RAD1: variants seen among roughly 807,000 people sequenced by gnomAD.
RAD1 encodes the protein cell cycle checkpoint protein RAD1.
RAD1 carries 21 observed loss-of-function variants against 30.0 expected under a neutral mutation model. The ratio of observed to expected loss-of-function variants is 0.70; its 90% CI spans 0.50 to 1.01. The LOEUF (loss-of-function observed/expected upper bound fraction) is 1.01, where lower values mean the gene tolerates loss of function less well. Ranked by LOEUF, RAD1 falls within the 50% of genes least tolerant of loss-of-function variation. The probability of loss-of-function intolerance (pLI) is 0.00; values close to 1 mark genes in which losing one functional copy is unlikely to be tolerated. For synonymous variants in RAD1, 109 were observed against 113.6 expected (o/e 0.96, Z 0.26); for missense variants, 329 against 329.0 (o/e 1.00, Z 0.00).
At chr5:34,909,200 A>G (rs1763753908) in intron 5 of RAD1, 58 bp downstream of exon 5, 2 of 1,296,282 alleles carry the variant, frequency 1.5e-6, no homozygotes, top group Non-Finnish European at 2.2e-6. Flanking sequence ...ATTTAACAGA[A>G]ATCTGGTATT....
rs771165391 is a variant in RAD1 at position 34,913,545 on chromosome 5, C to G, written c.232G>C (p.Glu78Gln). 1.9e-6 allele frequency: 3 copies of G among 1,600,472 alleles called. No homozygotes were observed. The highest frequency in any genetic ancestry group is 2.2e-5 in the South Asian group (2 of 89,646). Reference protein sequence around the residue: ...GIFQEFKVQEESVTFRINLTV... With the variant: ...GIFQEFKVQEQSVTFRINLTV... Reference sequence around the variant, plus strand: ...AAATTAATTCGAAAAGTAACAGACTCTTCCTGAACTTTAAACTCCTGAAAT... The same window carrying G: ...AAATTAATTCGAAAAGTAACAGACTGTTCCTGAACTTTAAACTCCTGAAAT... Residue 78 changes from glutamate to glutamine, a missense_variant, in exon 3 of 6, where the codon GAG (glutamate) becomes CAG (glutamine). Physicochemically the swap from Glu to Gln is conservative, Grantham distance 29. Coordinates refer to ENST00000382038, the MANE Select transcript of RAD1 (RefSeq NM_002853.4).
chr5:34,909,448 A>G lies in RAD1; in HGVS notation c.567-92T>C, dbSNP rs1238992483. The G allele has an allele frequency of 4.8e-6, 4 of 831,038 alleles. No homozygotes were observed. In the African/African-American group the frequency reaches 5.1e-5, roughly 11 times the overall value. The allele number at this position is 831,038 out of a possible 1,614,324, so 51.5% of individuals were successfully genotyped here. A position where few individuals can be genotyped will look rare whatever the true frequency, so the allele number is the denominator to read the frequency against. ...GAAAACACTTCCTTAAGAAATTCAT[A>G]CTAGTGGGTGAAACAGACATGTACA... On this transcript the variant is annotated intron_variant, in intron 4 of 5. Coordinates refer to ENST00000382038, the MANE Select transcript of RAD1 (RefSeq NM_002853.4).
intron 2 of RAD1, 25 bp downstream of exon 2, chr5:34,914,666 CACAG>C (rs747370279): frequency 6.2e-7 from 1 of 1,608,264 alleles, no homozygotes; most frequent in African/African-American, 1.3e-5. Flanking sequence ...GTATCTATGG[CACAG>C]GCTTAAAGGC....
In RAD1 at chr5:34,914,803, G is replaced by C. The variant is rs1561170211; in HGVS notation, c.90C>G (p.Ile30Met). The C allele has an allele frequency of 1.9e-6, 3 of 1,614,226 alleles. No individual in the cohort carries two copies. The highest frequency in any genetic ancestry group is 3.3e-4 in the Middle Eastern group (2 of 6,062). ...GTTCTCGGAAATGAATAGCTTTCAA[G>C]ATAGTGGAGAGATTCCTAACGTTGT... Reference protein sequence around the residue: ...SLDNVRNLSTILKAIHFREHA... With the variant: ...SLDNVRNLSTMLKAIHFREHA... Residue 30 changes from isoleucine to methionine, a missense_variant, in exon 2 of 6, where the codon ATC (isoleucine) becomes ATG (methionine). Physicochemically the swap from Ile to Met is conservative, Grantham distance 10. Transcript: ENST00000382038.
chr5:34,915,403 G>A lies in RAD1; in HGVS notation c.-70+13C>T. On this transcript the variant is annotated intron_variant, in intron 1 of 5. Transcript: ENST00000382038. Reference sequence around the variant, plus strand: ...CTTACTAGTCTCGGGGTCCCCGAGTGCGGAAACCCTACCTTTGCGGTGGGG... The same window carrying A: ...CTTACTAGTCTCGGGGTCCCCGAGTACGGAAACCCTACCTTTGCGGTGGGG... 1 of 260,168 alleles carries A rather than the reference G, an allele frequency of 3.8e-6. No homozygotes were observed. The highest frequency in any genetic ancestry group is 7.4e-6 in the Non-Finnish European group (1 of 134,916). The allele number at this position is 260,168 out of a possible 1,614,324, so 16.1% of individuals were successfully genotyped here. A position where few individuals can be genotyped will look rare whatever the true frequency, so the allele number is the denominator to read the frequency against.
At chr5:34,913,977 C>G (rs1763946963) in intron 2 of RAD1, 1 of 456,946 alleles carries the variant, frequency 2.2e-6, no homozygotes, top group Non-Finnish European at 4.4e-6. Context: ...GCTTCAGCCT[C>G]GGTCTCCTGA....
chr5:34,912,220 C>T (rs1013230024), intron 3 of RAD1, among the ~76,000 whole-genome samples: 4 of 152,228 alleles, frequency 2.6e-5, no homozygotes, highest in Admixed American at 1.3e-4. Flanking sequence ...GTCATCTGTA[C>T]TGTAACGTCA....
intron 3 of RAD1, among the ~76,000 whole-genome samples, chr5:34,912,162 A>G (rs1398739884): frequency 1.3e-5 from 2 of 152,236 alleles, no homozygotes; most frequent in African/African-American, 4.8e-5. Context: ...GCTGCAGAAC[A>G]GGGTATGCTA....
At chr5:34,915,091 T>TA in intron 1 of RAD1, 130 bp from the exon 2 acceptor site, 1 of 587,256 alleles carries the variant, frequency 1.7e-6, no homozygotes, top group Non-Finnish European at 3.0e-6. Flanking sequence ...CTATGTCACT[T>TA]AACTATCTTT....
At position 34,911,596 on chromosome 5, in the gene RAD1, T is replaced by A. The variant is rs1466483112; in HGVS notation, c.524A>T (p.Glu175Val). ...AGGAGACATGGTAATTTGTAGGACT[T>A]CACTCGTCATATCCAATTCAGAAAA... ...EAFSELDMTS[E>V]VLQITMSPDK... The change falls in exon 4 of 6, where the codon GAA becomes GTA. Residue 175 changes from glutamate to valine, a missense_variant. Physicochemically the swap from Glu to Val is moderately radical, Grantham distance 121. Coordinates refer to ENST00000382038, the MANE Select transcript of RAD1 (RefSeq NM_002853.4). 6.2e-7 allele frequency: 1 copy of A among 1,614,074 alleles called. No homozygotes were observed. The highest frequency in any genetic ancestry group is 8.5e-7 in the Non-Finnish European group (1 of 1,180,028).
chr5:34,911,514 T>C (rs761475020), intron 4 of RAD1, 40 bp downstream of exon 4: 3 of 1,605,036 alleles, frequency 1.9e-6, no homozygotes, highest in Non-Finnish European at 2.6e-6. Flanking sequence ...GAAGATGGAG[T>C]ACAGACCACA....
Position 34,908,705 on chromosome 5 carries a change from C to A in RAD1, c.*60G>T. The A allele has an allele frequency of 1.4e-6, 2 of 1,422,470 alleles. No individual in the cohort carries two copies. The highest frequency in any genetic ancestry group is 1.9e-6 in the Non-Finnish European group (2 of 1,043,696). 88.1% of individuals were successfully genotyped at this position (1,422,470 alleles called of 1,614,324 possible). A position where few individuals can be genotyped will look rare whatever the true frequency, so the allele number is the denominator to read the frequency against. On this transcript the variant is annotated 3_prime_UTR_variant, in exon 6 of 6. Transcript: ENST00000382038. ...ATATGAAATGACAAAGAGTACTGTA[C>A]TCAGAATAAGAACTTCATCTATCAT...
At chr5:34,912,857 C>T (rs1314361193) in intron 3 of RAD1, among the ~76,000 whole-genome samples, 1 of 151,918 alleles carries the variant, frequency 6.6e-6, no homozygotes, top group Non-Finnish European at 1.5e-5. Context: ...AAAAATTAGC[C>T]GGGCGTGGTG....
intron 5 of RAD1, 68 bp downstream of exon 5, chr5:34,909,186 TTTTA>T: frequency 5.7e-6 from 7 of 1,235,112 alleles, no homozygotes; most frequent in Non-Finnish European, 8.1e-6. Context: ...TTGAAAGTGT[TTTTA>T]TTTAACAGAA....
chr5:34,908,979 T>A (rs755383175), intron 5 of RAD1, 31 bp from the exon 6 acceptor site: 2 of 1,559,596 alleles, frequency 1.3e-6, no homozygotes, highest in African/African-American at 2.8e-5. Context: ...CGCTGTTATA[T>A]CAACACAGTG....
chr5:34,914,251 T>C (rs1763963045), intron 2 of RAD1, among the ~76,000 whole-genome samples: 1 of 152,212 alleles, frequency 6.6e-6, no homozygotes. Context: ...GAAACAAATA[T>C]TCAGCGTTCT....
chr5:34,909,685 AGACCTTGAT>A (rs1463226653), intron 4 of RAD1, among the ~76,000 whole-genome samples: 1 of 152,200 alleles, frequency 6.6e-6, no homozygotes, highest in Non-Finnish European at 1.5e-5. Flanking sequence ...GACTCATGGA[AGACCTTGAT>A]CTAAGTCTAC....
At chr5:34,913,798 C>A in intron 2 of RAD1, 1 of 536,830 alleles carries the variant, frequency 1.9e-6, no homozygotes. Flanking sequence ...TCCCTTGTCT[C>A]GTTTTTGTGC....
intron 3 of RAD1, among the ~76,000 whole-genome samples, chr5:34,912,956 G>A (rs543805284): frequency 6.6e-6 from 1 of 152,316 alleles, no homozygotes; most frequent in East Asian, 1.9e-4. Flanking sequence ...AGCTGAGACT[G>A]TGCCATTGTA....
Sources: allele counts gnomAD v4.1 joint callset (sites outside exome capture counted in the v4.1 genomes callset), GRCh38; gene constraint gnomAD v4.1.1; transcripts MANE v1.5; gene names NCBI Gene and HGNC (gene_info 2026-07-23, HGNC 2026-07-21).